TTC16: variants seen among roughly 807,000 people sequenced by gnomAD.
TTC16 encodes the protein tetratricopeptide repeat protein 16.
In TTC16, 66 loss-of-function variants were observed where a neutral mutation model predicts 80.4. The ratio of observed to expected loss-of-function variants is 0.82; its 90% CI spans 0.67 to 1.01. The LOEUF is 1.01. Among genes scored for constraint, TTC16 ranks in the 50% least tolerant of loss-of-function variants. The pLI, the probability that TTC16 is intolerant of heterozygous loss-of-function variation, is 0.00. For missense variants in TTC16, 1,070 were observed against 1,103.2 expected (o/e 0.97, Z 0.43); for synonymous variants, 438 against 451.3 (o/e 0.97, Z 0.37).
Position 127,731,327 on chromosome 9 carries a change from C to T in TTC16, c.2544C>T (p.Ala848=), listed in dbSNP as rs562417123. The part of the protein sequence containing the change: ...SQGMSSTSSK[A]ESTWGPSPSL... ...GCATGAGCTCAACTTCCAGCAAGGCCGAGTCCACCTGGGGACCCAGCCCAA... is the reference window on the plus strand; with the variant it reads ...GCATGAGCTCAACTTCCAGCAAGGCTGAGTCCACCTGGGGACCCAGCCCAA... Residue 848 remains alanine, a synonymous_variant, in exon 14 of 14, where the codon GCC becomes GCT. Coordinates refer to ENST00000373289, the MANE Select transcript of TTC16 (RefSeq NM_144965.3). 38 of 1,613,062 alleles carry T rather than the reference C, an allele frequency of 2.4e-5. No homozygotes were observed. The highest frequency in any genetic ancestry group is 2.1e-4 in the South Asian group (19 of 91,086).
At chr9:127,721,788 C>G (rs1263805557) in intron 6 of TTC16, among the ~76,000 whole-genome samples, 1 of 152,124 alleles carries the variant, frequency 6.6e-6, no homozygotes, top group Non-Finnish European at 1.5e-5. Context: ...ACCACAACCT[C>G]TACCGGGAGG....
Position 127,731,400 on chromosome 9 carries a change from G to A in TTC16, c.2617G>A (p.Val873Ile), listed in dbSNP as rs762533374. ...VDQDLTYYEA[V>I] ...TCAGGACCTCACCTACTATGAAGCT[G>A]TCTGAAGGGACCATCCAGACCCTCC... is the stretch of plus-strand genomic sequence containing the variant. Residue 873 changes from valine (V) to isoleucine (I), a missense_variant, in exon 14 of 14, where the codon GTC (valine) becomes ATC (isoleucine). Physicochemically the swap from Val to Ile is conservative, Grantham distance 29. Coordinates refer to ENST00000373289, the MANE Select transcript of TTC16 (RefSeq NM_144965.3). 6.2e-7 allele frequency: 1 copy of A among 1,610,428 alleles called. No homozygotes were observed. Among genetic ancestry groups the A allele is most frequent in the East Asian group, 2.2e-5 (1 of 44,838 alleles).
Position 127,718,542 on chromosome 9 carries a change from TAAACTA to T in TTC16, c.426+771_426+776del, listed in dbSNP as rs1308740883. ...GTGTATTTCAAAGGAAAAACAATAT[TAAACTA>T]TAAAACACCAACGAAGTGTTGCTTT... On this transcript the variant is annotated intron_variant, in intron 4 of 13. Coordinates refer to ENST00000373289, the MANE Select transcript of TTC16 (RefSeq NM_144965.3). The surrounding 1 kb of genome is among the most constrained non-coding windows in gnomAD (Gnocchi z 4.6). Among the ~76,000 whole-genome samples the T allele has an allele frequency of 6.6e-6, 1 of 151,998 alleles. No homozygotes were observed. Among genetic ancestry groups the T allele is most frequent in the Non-Finnish European group, 1.5e-5 (1 of 68,008 alleles).
chr9:127,724,926 C>T (rs1247288513), intron 9 of TTC16, 29 bp downstream of exon 9: 32 of 1,467,242 alleles, frequency 2.2e-5, no homozygotes, highest in Non-Finnish European at 2.6e-5. Context: ...CCACGGTGGG[C>T]GGGGCAGGCC....
chr9:127,717,833 T>G (rs1370637569), intron 4 of TTC16, 61 bp downstream of exon 4: 1 of 1,554,118 alleles, frequency 6.4e-7, no homozygotes, highest in African/African-American at 1.4e-5. Flanking sequence ...GGGGCTCTCC[T>G]GGCTCCTGGG....
chr9:127,728,440 C>T (rs924889071), intron 12 of TTC16: 3 of 152,230 alleles, frequency 2.0e-5, no homozygotes, highest in African/African-American at 2.4e-5. Flanking sequence ...ATCAAGTACA[C>T]TAATGTTCAA....
In TTC16 at chr9:127,718,774, T is replaced by C. The variant is rs1843238383; in HGVS notation, c.426+1002T>C. 1.3e-5 allele frequency among the ~76,000 whole-genome samples: 2 copies of C among 151,914 alleles called. No individual in the cohort carries two copies. Among genetic ancestry groups the C allele is most frequent in the Non-Finnish European group, 2.9e-5 (2 of 67,964 alleles). On this transcript the variant is annotated intron_variant, in intron 4 of 13. Coordinates refer to ENST00000373289, the MANE Select transcript of TTC16 (RefSeq NM_144965.3). This position sits in a 1 kb window ranked among gnomAD's most constrained non-coding sequence, Gnocchi z 4.6. ...GCCTGGCTAATTTTTGTACTTTTAATAGAGATGGGTTTTTGCCATGTTGGC... is the reference window on the plus strand; with the variant it reads ...GCCTGGCTAATTTTTGTACTTTTAACAGAGATGGGTTTTTGCCATGTTGGC...
At chr9:127,720,985 TC>T (rs1843467808) in intron 6 of TTC16, among the ~76,000 whole-genome samples, 1 of 113,586 alleles carries the variant, frequency 8.8e-6, no homozygotes, top group Non-Finnish European at 1.9e-5. Flanking sequence ...CCTCTTCCTT[TC>T]TTTTTTCCTG....
At chr9:127,716,655 T>C in intron 1 of TTC16, 189 bp from the exon 2 acceptor site, 1 of 680,598 alleles carries the variant, frequency 1.5e-6, no homozygotes, top group Non-Finnish European at 2.4e-6. Flanking sequence ...AGGGCAGGAC[T>C]GCAGAGGGAC....
rs141610173 is a variant in TTC16, at chr9:127,731,509, T to C, written c.*104T>C. Reference sequence around the variant, plus strand: ...TGCCTCCTTCCAGAGCAATTAAAAGTCTTAGCAACAGTCCTCTGGTCCCAC... The same window carrying C: ...TGCCTCCTTCCAGAGCAATTAAAAGCCTTAGCAACAGTCCTCTGGTCCCAC... On this transcript the variant is annotated 3_prime_UTR_variant, in exon 14 of 14. Transcript: ENST00000373289. 86 of 1,497,328 alleles carry C rather than the reference T, an allele frequency of 5.7e-5. No individual in the cohort carries two copies. In the African/African-American group the frequency reaches 9.4e-4, roughly 16 times the overall value. 92.8% of individuals were successfully genotyped at this position (1,497,328 alleles called of 1,614,324 possible).
intron 9 of TTC16, 37 bp downstream of exon 9, chr9:127,724,934 G>T: frequency 6.9e-7 from 1 of 1,459,298 alleles, no homozygotes. Flanking sequence ...GGCGGGGCAG[G>T]CCCGAGGGCA....
At position 127,724,280 on chromosome 9, in the gene TTC16, G is replaced by T. The variant is rs927872546; in HGVS notation, c.1033G>T (p.Gly345Cys). ...NDFAVHCYRQ[G>C]AYQEGVLLLN... is the part of the protein sequence containing the mutation. ...CTTTGCCGTGCACTGCTACAGGCAG[G>T]GCGCCTACCAGGAGGGCGTGCTGCT... Residue 345 changes from glycine to cysteine, a missense_variant, in exon 8 of 14, where the codon GGC (glycine) becomes TGC (cysteine). Transcript: ENST00000373289. 1.7e-5 allele frequency: 27 copies of T among 1,612,934 alleles called. No homozygotes were observed. Among genetic ancestry groups the T allele is most frequent in the Admixed American group, 6.7e-5 (4 of 60,008 alleles).
rs1843773167 is a variant in TTC16, at chr9:127,724,653, A to G, written c.1118-103A>G. The G allele has an allele frequency of 7.6e-6, 11 of 1,455,472 alleles. No homozygotes were observed. The South Asian group carries it at 1.3e-4, about 17-fold the overall frequency. The allele number at this position is 1,455,472 out of a possible 1,614,324, so 90.2% of individuals were successfully genotyped here. A position where few individuals can be genotyped will look rare whatever the true frequency, so the allele number is the denominator to read the frequency against. On this transcript the variant is annotated intron_variant, in intron 8 of 13. Transcript: ENST00000373289. ...ACGGAGACTGCGGCGGGGGGTTATC[A>G]GCCACCAGTTTCAGGCCCTGGCCCC...
intron 12 of TTC16, chr9:127,727,701 C>T (rs1464154998): frequency 3.9e-6 from 3 of 765,362 alleles, no homozygotes; most frequent in East Asian, 6.2e-5. Flanking sequence ...GAGTCACAGC[C>T]CTGCTCATGG....
chr9:127,717,229 T>C lies in TTC16; in HGVS notation c.192-105T>C, dbSNP rs118053370. ...TGGGCTTCTGTCTACTCCTCCTGCC[T>C]CTCCACCCAGCTCCCTTGCTTCCCA... On this transcript the variant is annotated intron_variant, in intron 2 of 13. Coordinates refer to ENST00000373289, the MANE Select transcript of TTC16 (RefSeq NM_144965.3). The C allele has an allele frequency of 2.8e-3, 3,543 of 1,266,858 alleles. 96 individuals are homozygous for C. In the East Asian group the frequency reaches 0.058, roughly 21 times the overall value. The allele number at this position is 1,266,858 out of a possible 1,614,324, so 78.5% of individuals were successfully genotyped here. A position where few individuals can be genotyped will look rare whatever the true frequency, so the allele number is the denominator to read the frequency against.
rs755113815 is a variant in TTC16, at chr9:127,717,791, G to A, written c.426+19G>A. The A allele has an allele frequency of 6.2e-7, 1 of 1,605,986 alleles. No homozygotes were observed. The highest frequency in any genetic ancestry group is 1.3e-5 in the African/African-American group (1 of 74,674). ...CCTACAGGTGCCTGGGGCCTCCCGG[G>A]CCCATGCAGGGCACCCACCTCACAC... On this transcript the variant is annotated intron_variant, in intron 4 of 13. Transcript: ENST00000373289.
intron 1 of TTC16, chr9:127,716,374 G>T (rs3802357): frequency 2.9e-6 from 2 of 688,180 alleles, no homozygotes; most frequent in Non-Finnish European, 4.9e-6. Flanking sequence ...TGGGTAGCTG[G>T]TGGGGAAGGT....
chr9:127,720,076 A>G lies in TTC16; in HGVS notation c.427-2A>G. The G allele has an allele frequency of 5.6e-6, 9 of 1,613,046 alleles. No individual in the cohort carries two copies. Among genetic ancestry groups the G allele is most frequent in the Non-Finnish European group, 7.6e-6 (9 of 1,179,308 alleles). The stretch of plus-strand genomic sequence containing the variant: ...AGAATTGACTGTCCCCTGTGTCCCC[A>G]GGGACAATGCCTTTTTGAGCAGTGT... On this transcript the variant is annotated splice_acceptor_variant, in intron 4 of 13. Transcript: ENST00000373289. LOFTEE classifies it high-confidence loss of function.
chr9:127,729,251 G>A (rs879196935), intron 12 of TTC16: 25 of 248,296 alleles, frequency 1.0e-4, no homozygotes, highest in African/African-American at 4.8e-4. Context: ...CAAGTCCTCC[G>A]TAAGCATTCC....
Sources: gnomAD v4.1 joint callset for allele counts (sites outside exome capture counted in the v4.1 genomes callset) on GRCh38, gnomAD v4.1.1 for gene constraint, Gnocchi (gnomAD v3.1) non-coding constraint, MANE v1.5 for transcripts, NCBI Gene and HGNC (gene_info 2026-07-23, HGNC 2026-07-21) for gene names.